The following MAP2K2 variants were observed in gnomAD, a reference collection of about 807,000 sequenced individuals.
MAP2K2 encodes the protein mitogen-activated protein kinase kinase 2.
Under a neutral mutation model 43.7 loss-of-function variants are expected in MAP2K2, and 24 were observed. The ratio of observed to expected loss-of-function variants is 0.55; its 90% CI spans 0.40 to 0.77. The LOEUF (loss-of-function observed/expected upper bound fraction) is 0.77, where lower values mean the gene tolerates loss of function less well. Among genes scored for constraint, MAP2K2 ranks in the 30% least tolerant of loss-of-function variants. The pLI is 0.00. For synonymous variants in MAP2K2, 244 were observed against 239.7 expected (o/e 1.02, Z -0.17); for missense variants, 470 against 566.8 (o/e 0.83, Z 1.73).
chr19:4,110,662 G>C lies in MAP2K2; in HGVS notation c.304-7C>G. On this transcript the variant is annotated splice_polypyrimidine_tract_variant and splice_region_variant and intron_variant, in intron 2 of 10. Coordinates refer to ENST00000262948, the MANE Select transcript of MAP2K2 (RefSeq NM_030662.4). ...TGATCTCAAGGTGGATCAGCTGCAA[G>C]GGGAGAGGGGCGAGACTGGCTTGGG... The C allele has an allele frequency of 6.2e-7, 1 of 1,611,152 alleles. No homozygotes were observed. The highest frequency in any genetic ancestry group is 8.5e-7 in the Non-Finnish European group (1 of 1,179,112).
At chr19:4,107,622 G>A (rs1485502368) in intron 3 of MAP2K2, among the ~76,000 whole-genome samples, 2 of 151,674 alleles carry the variant, frequency 1.3e-5, no homozygotes, top group Non-Finnish European at 2.9e-5. Flanking sequence ...CAGGAGGATC[G>A]TTTGAGCCCA....
At chr19:4,090,799 G>A (rs576965361) in intron 10 of MAP2K2, 91 bp from the exon 11 acceptor site, 35 of 850,786 alleles carry the variant, frequency 4.1e-5, no homozygotes, top group African/African-American at 3.0e-4. Context: ...CAGATGGTAC[G>A]GGACAGAAAG....
At chr19:4,094,569 G>A (rs1026422203) in intron 9 of MAP2K2, 71 bp from the exon 10 acceptor site, 24 of 1,472,270 alleles carry the variant, frequency 1.6e-5, no homozygotes, top group African/African-American at 4.2e-5. Flanking sequence ...TGGTGGCCCC[G>A]GGGCACCCGC....
intron 1 of MAP2K2, among the ~76,000 whole-genome samples, chr19:4,119,794 G>A (rs1299810889): frequency 6.6e-6 from 1 of 152,242 alleles, no homozygotes; most frequent in African/African-American, 2.4e-5. Flanking sequence ...ATTCAGGAAG[G>A]AGCTAAAGCC....
At chr19:4,109,025 C>T (rs945386466) in intron 3 of MAP2K2, among the ~76,000 whole-genome samples, 2 of 152,174 alleles carry the variant, frequency 1.3e-5, no homozygotes, top group African/African-American at 4.8e-5. Flanking sequence ...CTGCCTTGCT[C>T]GGGTCACATG....
intron 9 of MAP2K2, chr19:4,094,932 T>A (rs2145042706): frequency 2.8e-6 from 1 of 352,376 alleles, no homozygotes; most frequent in African/African-American, 2.0e-5. Flanking sequence ...GGCAGCGGGG[T>A]GTCCGCAGCT....
intron 3 of MAP2K2, 134 bp from the exon 4 acceptor site, chr19:4,102,587 CG>C (rs1568254985): frequency 1.1e-6 from 1 of 907,972 alleles, no homozygotes; most frequent in African/African-American, 1.6e-5. Context: ...ACTCCACCCA[CG>C]GGCCAAGGGC....
At chr19:4,109,130 G>C (rs1246792318) in intron 3 of MAP2K2, among the ~76,000 whole-genome samples, 4 of 152,222 alleles carry the variant, frequency 2.6e-5, no homozygotes, top group Non-Finnish European at 5.9e-5. Flanking sequence ...CAAGCATTCT[G>C]GTTTTGCAAA....
chr19:4,095,995 G>A (rs939721760), intron 8 of MAP2K2, among the ~76,000 whole-genome samples: 16 of 152,096 alleles, frequency 1.1e-4, no homozygotes, highest in South Asian at 4.1e-4. Context: ...GGCTGGTCTC[G>A]AACTCCTGAC....
At chr19:4,108,233 G>A (rs1215285724) in intron 3 of MAP2K2, among the ~76,000 whole-genome samples, 3 of 152,080 alleles carry the variant, frequency 2.0e-5, no homozygotes, top group South Asian at 2.1e-4. Context: ...CGTGCTCCAC[G>A]TTGTTTTTGT....
At chr19:4,093,274 C>A (rs566998136) in intron 10 of MAP2K2, among the ~76,000 whole-genome samples, 1 of 152,256 alleles carries the variant, frequency 6.6e-6, no homozygotes, top group African/African-American at 2.4e-5. Context: ...TGGCACACAT[C>A]GGTAGCCCCA....
At chr19:4,108,664 G>A (rs763411574) in intron 3 of MAP2K2, among the ~76,000 whole-genome samples, 2 of 152,052 alleles carry the variant, frequency 1.3e-5, no homozygotes, top group Non-Finnish European at 1.5e-5. Context: ...CACCCACTCT[G>A]GGAACCCCCA....
At chr19:4,120,952 G>A (rs1263583760) in intron 1 of MAP2K2, among the ~76,000 whole-genome samples, 2 of 151,030 alleles carry the variant, frequency 1.3e-5, no homozygotes, top group Non-Finnish European at 3.0e-5. Context: ...ACAGAAGGCC[G>A]ACCCCCAAGC....
intron 6 of MAP2K2, 137 bp from the exon 7 acceptor site, chr19:4,099,551 A>G (rs1038158447): frequency 1.4e-6 from 1 of 727,130 alleles, no homozygotes; most frequent in African/African-American, 1.8e-5. Flanking sequence ...CTGTTACGCA[A>G]TTCTACCTCC....
chr19:4,123,576 A>C (rs1599312724), intron 1 of MAP2K2, among the ~76,000 whole-genome samples: 1 of 32,078 alleles, frequency 3.1e-5, no homozygotes, highest in Admixed American at 3.8e-4. Flanking sequence ...TCCTCCCCCG[A>C]GGGCCCCCTG....
chr19:4,113,782 T>C (rs2041185435), intron 2 of MAP2K2, among the ~76,000 whole-genome samples: 1 of 149,748 alleles, frequency 6.7e-6, no homozygotes, highest in African/African-American at 2.5e-5. Context: ...GGATTCGGAG[T>C]AGGAAAAGAG....
intron 8 of MAP2K2, among the ~76,000 whole-genome samples, chr19:4,096,263 G>A (rs1301682989): frequency 6.6e-6 from 1 of 152,186 alleles, no homozygotes; most frequent in Non-Finnish European, 1.5e-5. Flanking sequence ...TGGCTGCTAG[G>A]TGCAGGGAGA....
intron 2 of MAP2K2, among the ~76,000 whole-genome samples, chr19:4,113,422 T>C (rs910280067): frequency 6.6e-6 from 1 of 151,858 alleles, no homozygotes; most frequent in Non-Finnish European, 1.5e-5. Flanking sequence ...GACAGACAGA[T>C]GGACAGGAGG....
chr19:4,107,731 GA>G (rs1242392292), intron 3 of MAP2K2, among the ~76,000 whole-genome samples: 6 of 151,608 alleles, frequency 4.0e-5, no homozygotes, highest in Admixed American at 2.6e-4. Context: ...AAAAAAGAAG[GA>G]AAAAAATGCA....
Sources: gnomAD v4.1 joint callset for allele counts (sites outside exome capture counted in the v4.1 genomes callset) on GRCh38, gnomAD v4.1.1 for gene constraint, MANE v1.5 for transcripts, NCBI Gene and HGNC (gene_info 2026-07-23, HGNC 2026-07-21) for gene names.